Variants in ALDH3A2 observed in about 807,000 individuals in gnomAD.
ALDH3A2 encodes the protein aldehyde dehydrogenase 3 family member A2.
ALDH3A2 carries 36 observed loss-of-function variants against 51.3 expected under a neutral mutation model. The ratio of observed to expected loss-of-function variants is 0.70; its 90% CI spans 0.54 to 0.93. The LOEUF is 0.93. Among genes scored for constraint, ALDH3A2 ranks in the 40% least tolerant of loss-of-function variants. ALDH3A2 has a pLI of 0.00. For missense variants in ALDH3A2, 552 were observed against 603.1 expected (o/e 0.92, Z 0.89); for synonymous variants, 199 against 219.8 (o/e 0.91, Z 0.84).
intron 9 of ALDH3A2, chr17:19,674,247 C>G (rs1439845222): frequency 2.0e-5 from 3 of 152,004 alleles, no homozygotes; most frequent in Non-Finnish European, 4.4e-5. Flanking sequence ...GTTCTTTTCC[C>G]AAGACCTCGG....
At chr17:19,665,138 G>A in intron 8 of ALDH3A2, 91 bp downstream of exon 8, 1 of 1,155,928 alleles carries the variant, frequency 8.7e-7, no homozygotes, top group Non-Finnish European at 1.3e-6. Flanking sequence ...ATAGCCAGCT[G>A]TTGCGTACCC....
intron 1 of ALDH3A2, among the ~76,000 whole-genome samples, chr17:19,650,199 A>AC (rs954657804): frequency 1.3e-4 from 19 of 151,288 alleles, no homozygotes; most frequent in African/African-American, 2.2e-4. Flanking sequence ...GGTGTGAGCC[A>AC]CCCCCCCGGC....
At chr17:19,667,707 TGCCACCAGGCCCAGCTA>T (rs2085058277) in intron 8 of ALDH3A2, among the ~76,000 whole-genome samples, 1 of 152,030 alleles carries the variant, frequency 6.6e-6, no homozygotes, top group Non-Finnish European at 1.5e-5. Context: ...TACAGGTGTG[TGCCACCAGGCCCAGCTA>T]ATTTTTGTAT....
At chr17:19,660,937 T>G (rs2084957494) in intron 5 of ALDH3A2, among the ~76,000 whole-genome samples, 190 bp from the exon 6 acceptor site, 1 of 152,198 alleles carries the variant, frequency 6.6e-6, no homozygotes, top group African/African-American at 2.4e-5. Context: ...CTTTATTTTC[T>G]GGTCCTCGAC....
intron 8 of ALDH3A2, among the ~76,000 whole-genome samples, chr17:19,665,979 A>G (rs777178511): frequency 6.6e-6 from 1 of 152,096 alleles, no homozygotes; most frequent in Admixed American, 6.6e-5. Flanking sequence ...GCCTTGACCT[A>G]TATAGCCACA....
intron 4 of ALDH3A2, among the ~76,000 whole-genome samples, 155 bp downstream of exon 4, chr17:19,656,729 T>C (rs2084903146): frequency 6.6e-6 from 1 of 152,236 alleles, no homozygotes; most frequent in South Asian, 2.1e-4. Context: ...CAGGAGTCTT[T>C]CACTGTCTCT....
At chr17:19,662,803 G>A (rs1330949660) in intron 6 of ALDH3A2, among the ~76,000 whole-genome samples, 4 of 152,010 alleles carry the variant, frequency 2.6e-5, no homozygotes, top group East Asian at 1.9e-4. Context: ...CTGTCCATTC[G>A]AGACCAGCCT....
At chr17:19,660,026 G>A (rs568409648) in intron 5 of ALDH3A2, among the ~76,000 whole-genome samples, 203 of 152,152 alleles carry the variant, frequency 1.3e-3, no homozygotes, top group Middle Eastern at 6.8e-3. Context: ...GAGTTGCCCA[G>A]ATTCAGGGTA....
chr17:19,651,926 C>A, intron 2 of ALDH3A2, 148 bp downstream of exon 2: 1 of 751,418 alleles, frequency 1.3e-6, no homozygotes, highest in Non-Finnish European at 2.2e-6. Flanking sequence ...TTCATACATA[C>A]CATACATATT....
At chr17:19,655,211 C>T (rs1818038282) in intron 3 of ALDH3A2, 1 of 152,200 alleles carries the variant, frequency 6.6e-6, no homozygotes, top group South Asian at 2.1e-4. Context: ...TACCTGTATT[C>T]TGTACATCAA....
chr17:19,661,771 G>T (rs1043800666), intron 6 of ALDH3A2, among the ~76,000 whole-genome samples: 1 of 151,420 alleles, frequency 6.6e-6, no homozygotes, highest in African/African-American at 2.4e-5. Flanking sequence ...AACATATAAG[G>T]TGACAGAAAA....
intron 3 of ALDH3A2, among the ~76,000 whole-genome samples, chr17:19,655,851 A>G (rs994635062): frequency 1.3e-5 from 2 of 152,262 alleles, no homozygotes; most frequent in African/African-American, 4.8e-5. Context: ...CTAAGGTTGC[A>G]TAAGCTAGTG....
intron 1 of ALDH3A2, 96 bp downstream of exon 1, chr17:19,649,220 C>G: frequency 6.8e-7 from 1 of 1,466,222 alleles, no homozygotes; most frequent in African/African-American, 1.4e-5. Flanking sequence ...TTTTACATTT[C>G]GGATTACTCC....
chr17:19,653,075 T>C (rs2084839790), intron 3 of ALDH3A2, among the ~76,000 whole-genome samples: 1 of 151,868 alleles, frequency 6.6e-6, no homozygotes, highest in African/African-American at 2.4e-5. Context: ...GATGGAATCT[T>C]GCTCTGTCAC....
In ALDH3A2 at chr17:19,669,794, C is replaced by T. The variant is rs533520296; in HGVS notation, c.1208-1927C>T. On this transcript the variant is annotated intron_variant, in intron 8 of 9. Transcript: ENST00000176643. The stretch of plus-strand genomic sequence containing the variant: ...GGATTACAAGGGTGCACCACCATGC[C>T]TGGCTAATTAAAAAAATTTTTTTTG... Among the ~76,000 whole-genome samples the T allele has an allele frequency of 1.3e-4, 20 of 152,266 alleles. No individual in the cohort carries two copies. The South Asian group carries it at 4.2e-3, about 32-fold the overall frequency.
At chr17:19,674,659 A>G (rs2085164270) in intron 9 of ALDH3A2, 1 of 152,082 alleles carries the variant, frequency 6.6e-6, no homozygotes. Context: ...CTCATTACTA[A>G]TAGTTGTTAA....
At chr17:19,653,432 T>C (rs986391763) in intron 3 of ALDH3A2, among the ~76,000 whole-genome samples, 2 of 152,184 alleles carry the variant, frequency 1.3e-5, no homozygotes, top group Non-Finnish European at 1.5e-5. Flanking sequence ...TTAAAGATGG[T>C]GTGTCCGGAG....
Position 19,660,984 on chromosome 17 carries a change from T to C in ALDH3A2, c.799-143T>C, listed in dbSNP as rs886198306. ...CTGAAACTTGCTACTATCATACTAC[T>C]GTTAAATTACTTGAGGGGTGGGGTG... On this transcript the variant is annotated intron_variant, in intron 5 of 9. Coordinates refer to ENST00000176643, the MANE Select transcript of ALDH3A2 (RefSeq NM_000382.3). 3.0e-4 allele frequency: 249 copies of C among 816,698 alleles called. 2 individuals carry two copies. In the Middle Eastern group the frequency reaches 9.6e-3, roughly 31 times the overall value. The allele number at this position is 816,698 out of a possible 1,614,324, so 50.6% of individuals were successfully genotyped here.
chr17:19,673,266 T>C, intron 9 of ALDH3A2: 1 of 1,614,106 alleles, frequency 6.2e-7, no homozygotes, highest in Non-Finnish European at 8.5e-7. Flanking sequence ...CCCTGTCTGT[T>C]AAGAGTGAGG....
Sources: allele counts gnomAD v4.1 joint callset (sites outside exome capture counted in the v4.1 genomes callset), GRCh38; gene constraint gnomAD v4.1.1; transcripts MANE v1.5; gene names NCBI Gene and HGNC (gene_info 2026-07-23, HGNC 2026-07-21).